PTPRD: variants seen among roughly 807,000 people sequenced by gnomAD.
PTPRD encodes the protein receptor-type tyrosine-protein phosphatase delta.
Under a neutral mutation model 214.5 loss-of-function variants are expected in PTPRD, and 34 were observed. The observed-to-expected ratio is 0.16, with a 90% CI of 0.12 to 0.21. The LOEUF (loss-of-function observed/expected upper bound fraction) is 0.21. PTPRD is among the 10% of genes least tolerant of loss of function. The pLI, the probability that PTPRD is intolerant of heterozygous loss-of-function variation, is 1.00. For synonymous variants in PTPRD, 1,128 were observed against 845.7 expected (o/e 1.33, Z -5.79); for missense variants, 2,545 against 2,398.7 (o/e 1.06, Z -1.27).
At chr9:8,748,720 T>G (rs1225213438) in intron 11 of PTPRD, among the ~76,000 whole-genome samples, 1 of 152,000 alleles carries the variant, frequency 6.6e-6, no homozygotes, top group East Asian at 1.9e-4. Flanking sequence ...AAGACCAGCC[T>G]GACCAACATG....
At chr9:9,496,792 A>T (rs1399200558) in intron 8 of PTPRD, among the ~76,000 whole-genome samples, 1 of 152,234 alleles carries the variant, frequency 6.6e-6, no homozygotes, top group Non-Finnish European at 1.5e-5. Flanking sequence ...TTGAAGAGAC[A>T]TTTATACACC....
At chr9:10,131,821 G>T (rs981881059) in intron 3 of PTPRD, among the ~76,000 whole-genome samples, 1 of 152,094 alleles carries the variant, frequency 6.6e-6, no homozygotes, top group Non-Finnish European at 1.5e-5. Flanking sequence ...TTTGATCATT[G>T]ACCTTACAAT....
intron 10 of PTPRD, among the ~76,000 whole-genome samples, chr9:9,123,502 C>T (rs1397884791): frequency 6.6e-6 from 1 of 152,192 alleles, no homozygotes; most frequent in Non-Finnish European, 1.5e-5. Context: ...ATACAGAACT[C>T]TGCTGCCTCA....
At chr9:8,453,155 T>C (rs1020948625) in intron 33 of PTPRD, among the ~76,000 whole-genome samples, 6 of 152,116 alleles carry the variant, frequency 3.9e-5, no homozygotes, top group African/African-American at 1.2e-4. Flanking sequence ...CATTAAGTTG[T>C]AAAATATGAA....
intron 8 of PTPRD, among the ~76,000 whole-genome samples, chr9:9,479,087 T>A (rs984767957): frequency 6.6e-6 from 1 of 152,118 alleles, no homozygotes; most frequent in Admixed American, 6.6e-5. Context: ...TCTTTCATAA[T>A]GTGTACTTTA....
intron 5 of PTPRD, among the ~76,000 whole-genome samples, chr9:9,919,354 T>C (rs1413463955): frequency 1.3e-5 from 2 of 152,082 alleles, no homozygotes; most frequent in Non-Finnish European, 2.9e-5. Flanking sequence ...CCAGTCTCTC[T>C]TTGGGCAGGA....
At chr9:9,888,934 A>T (rs1229994149) in intron 5 of PTPRD, among the ~76,000 whole-genome samples, 1 of 152,170 alleles carries the variant, frequency 6.6e-6, no homozygotes, top group Non-Finnish European at 1.5e-5. Flanking sequence ...ACTGTTTAGA[A>T]AAATTTATGG....
chr9:8,353,496 G>T (rs1471812745), intron 39 of PTPRD, among the ~76,000 whole-genome samples: 2 of 151,336 alleles, frequency 1.3e-5, no homozygotes, highest in African/African-American at 4.9e-5. Flanking sequence ...GTGCTGGTGT[G>T]ATCTCGGCTC....
intron 36 of PTPRD, among the ~76,000 whole-genome samples, chr9:8,392,952 C>T (rs1333107249): frequency 6.6e-6 from 1 of 152,138 alleles, no homozygotes; most frequent in Non-Finnish European, 1.5e-5. Context: ...ATCAGCAGTC[C>T]ATTTCAAGTA....
chr9:8,741,566 C>CTTTTTTTTTTTTTTTTTTTTTT (rs66547770), intron 11 of PTPRD, among the ~76,000 whole-genome samples: 2 of 70,634 alleles, frequency 2.8e-5, no homozygotes, highest in Admixed American at 2.0e-4. Flanking sequence ...TCAGGCATTT[C>CTTTTTTTTTTTTTTTTTTTTTT]TTTTTTTTTT....
At chr9:8,833,531 T>C (rs1364818743) in intron 11 of PTPRD, among the ~76,000 whole-genome samples, 3 of 114,848 alleles carry the variant, frequency 2.6e-5, no homozygotes, top group African/African-American at 7.8e-5. Context: ...TCCAATTTTC[T>C]TTTTTTCATT....
At chr9:8,833,583 G>A (rs2097344014) in intron 11 of PTPRD, among the ~76,000 whole-genome samples, 1 of 149,416 alleles carries the variant, frequency 6.7e-6, no homozygotes, top group Admixed American at 6.7e-5. Flanking sequence ...GTATGACCTG[G>A]TCCATTTTTC....
intron 34 of PTPRD, among the ~76,000 whole-genome samples, chr9:8,439,826 TGTG>T (rs2095482243): frequency 6.6e-6 from 1 of 152,052 alleles, no homozygotes; most frequent in African/African-American, 2.4e-5. Context: ...TTGACCTCAC[TGTG>T]GTACCTTTTC....
At chr9:9,914,284 G>C (rs2080045655) in intron 5 of PTPRD, among the ~76,000 whole-genome samples, 1 of 152,160 alleles carries the variant, frequency 6.6e-6, no homozygotes, top group African/African-American at 2.4e-5. Flanking sequence ...TTGCTTAACA[G>C]CCCTGTGCCT....
chr9:9,786,485 C>G (rs531268982), intron 5 of PTPRD, among the ~76,000 whole-genome samples: 2 of 152,216 alleles, frequency 1.3e-5, no homozygotes, highest in African/African-American at 4.8e-5. Flanking sequence ...CATTTTGTAC[C>G]ATAAATGCTA....
intron 2 of PTPRD, among the ~76,000 whole-genome samples, chr9:10,527,341 A>T (rs1187021250): frequency 2.0e-5 from 3 of 152,274 alleles, no homozygotes; most frequent in South Asian, 2.1e-4. Context: ...ATGAGATAAG[A>T]GACTAGGTAA....
rs193131558 is a variant in PTPRD, at chr9:9,633,588, G to T, written c.-286-58807C>A. 3.9e-5 allele frequency among the ~76,000 whole-genome samples: 6 copies of T among 152,256 alleles called. No homozygotes were observed. In the East Asian group the frequency reaches 1.2e-3, roughly 29 times the overall value. On this transcript the variant is annotated intron_variant, in intron 7 of 45. Coordinates refer to ENST00000381196, the MANE Select transcript of PTPRD (RefSeq NM_002839.4). Reference sequence around the variant, plus strand: ...GGAGTCTGATTCTCTCTCAGTGAGAGATATTTCTAGCTCACTCCCTCAGCT... The same window carrying T: ...GGAGTCTGATTCTCTCTCAGTGAGATATATTTCTAGCTCACTCCCTCAGCT...
chr9:9,719,899 G>C (rs905341536), intron 7 of PTPRD, among the ~76,000 whole-genome samples: 6 of 152,182 alleles, frequency 3.9e-5, no homozygotes, highest in Admixed American at 3.3e-4. Flanking sequence ...ACCTGTGCTA[G>C]TGCGTGGAGC....
chr9:10,188,640 C>T (rs886314741), intron 3 of PTPRD, among the ~76,000 whole-genome samples: 8 of 151,418 alleles, frequency 5.3e-5, no homozygotes, highest in African/African-American at 1.9e-4. Context: ...TTTTGGAAAG[C>T]ATGTATCTCA....
Sources: gnomAD v4.1 joint callset for allele counts (sites outside exome capture counted in the v4.1 genomes callset) on GRCh38, gnomAD v4.1.1 for gene constraint, MANE v1.5 for transcripts, NCBI Gene and HGNC (gene_info 2026-07-23, HGNC 2026-07-21) for gene names.